Variants in FBXO31 observed in about 807,000 individuals in gnomAD.
FBXO31 encodes F-box only protein 31.
Under a neutral mutation model 54.4 loss-of-function variants are expected in FBXO31, and 24 were observed. That is an observed-to-expected ratio of 0.44 (90% CI 0.32 to 0.62). The LOEUF (loss-of-function observed/expected upper bound fraction) is 0.62, where lower values mean the gene tolerates loss of function less well. FBXO31 is among the 20% of genes least tolerant of loss of function. The pLI, the probability that FBXO31 is intolerant of heterozygous loss-of-function variation, is 0.05. For missense variants in FBXO31, 665 were observed against 787.1 expected (o/e 0.84, Z 1.86); for synonymous variants, 388 against 335.6 (o/e 1.16, Z -1.71).
intron 2 of FBXO31, among the ~76,000 whole-genome samples, chr16:87,350,245 C>T (rs1205714790): frequency 2.6e-5 from 4 of 152,084 alleles, no homozygotes; most frequent in South Asian, 2.1e-4. Flanking sequence ...GCAAGTAGGT[C>T]GCCACCTGGA....
In FBXO31 at chr16:87,343,748, G is replaced by A; in HGVS notation, c.507C>T (p.Ile169=). The change falls in exon 4 of 9, where the codon ATC becomes ATT. Residue 169 remains isoleucine (I), a synonymous_variant. Transcript: ENST00000311635. The part of the protein sequence containing the change: ...LLNVVVDGLF[I]IGWMYLPPHD... ...GGGGAGGCAGGTACATCCACCCGAT[G>A]ATGAACAGGCCGTCCACCTACAGGA... is the stretch of plus-strand genomic sequence containing the variant. 2 of 1,614,240 alleles carry A rather than the reference G, an allele frequency of 1.2e-6. No homozygotes were observed. Among genetic ancestry groups the A allele is most frequent in the Non-Finnish European group, 1.7e-6 (2 of 1,180,038 alleles).
chr16:87,336,324 G>C lies in FBXO31; in HGVS notation c.733-60C>G. Reference sequence around the variant, plus strand: ...GACAGGAGGCTGTGAAGAGGCTGCCGGCTGTGCCGCTGAGAGGACACAGTG... The same window carrying C: ...GACAGGAGGCTGTGAAGAGGCTGCCCGCTGTGCCGCTGAGAGGACACAGTG... On this transcript the variant is annotated intron_variant, in intron 5 of 8. Coordinates refer to ENST00000311635, the MANE Select transcript of FBXO31 (RefSeq NM_024735.5). The surrounding 1 kb of genome is among the most constrained non-coding windows in gnomAD (Gnocchi z 6.5). 6.7e-7 allele frequency: 1 copy of C among 1,490,654 alleles called. No homozygotes were observed. Among genetic ancestry groups the C allele is most frequent in the South Asian group, 1.1e-5 (1 of 88,678 alleles). 92.3% of individuals were successfully genotyped at this position (1,490,654 alleles called of 1,614,324 possible).
chr16:87,374,729 G>A (rs912949646), intron 1 of FBXO31, among the ~76,000 whole-genome samples: 2 of 152,226 alleles, frequency 1.3e-5, no homozygotes, highest in African/African-American at 4.8e-5. Context: ...ATGCTGGCTA[G>A]TGTGCCTCAC....
At chr16:87,337,696 G>A (rs1177548245) in intron 5 of FBXO31, among the ~76,000 whole-genome samples, 1 of 137,304 alleles carries the variant, frequency 7.3e-6, no homozygotes, top group Non-Finnish European at 1.7e-5. Flanking sequence ...AAGGTGCTCC[G>A]TCAGTTGGGT....
chr16:87,331,291 G>C lies in FBXO31; in HGVS notation c.1617C>G (p.Ser539=). 1 of 1,613,498 alleles carries C rather than the reference G, an allele frequency of 6.2e-7. No homozygotes were observed. The highest frequency in any genetic ancestry group is 8.5e-7 in the Non-Finnish European group (1 of 1,179,622). ...EMLKNIQSLT[S] is the part of the protein sequence containing the mutation. ...GTGGCGGCAAGGATGTGGCCGGTCA[G>C]GAGGTGAGGGACTGAATGTTCTTGA... is the stretch of plus-strand genomic sequence containing the variant. The change falls in exon 9 of 9, where the codon TCC becomes TCG. Residue 539 remains serine, a synonymous_variant. Coordinates refer to ENST00000311635, the MANE Select transcript of FBXO31 (RefSeq NM_024735.5).
chr16:87,361,990 G>C (rs1567481078), intron 1 of FBXO31, among the ~76,000 whole-genome samples: 1 of 152,224 alleles, frequency 6.6e-6, no homozygotes, highest in Non-Finnish European at 1.5e-5. Flanking sequence ...GTAGGCTCCA[G>C]TGAGGAGTGC....
chr16:87,354,392 C>T (rs1234557726), intron 2 of FBXO31, among the ~76,000 whole-genome samples: 3 of 152,082 alleles, frequency 2.0e-5, no homozygotes, highest in African/African-American at 7.2e-5. Flanking sequence ...GTCATCTGAG[C>T]CCGGGGAGAT....
chr16:87,350,203 G>A (rs1905590681), intron 2 of FBXO31, among the ~76,000 whole-genome samples: 1 of 152,102 alleles, frequency 6.6e-6, no homozygotes, highest in South Asian at 2.1e-4. Context: ...GAAGGAAGAT[G>A]GAGCAGGGAG....
Position 87,335,467 on chromosome 16 carries a change from G to A in FBXO31, c.843-10C>T, listed in dbSNP as rs1905019054. On this transcript the variant is annotated splice_polypyrimidine_tract_variant and intron_variant, in intron 6 of 8. Transcript: ENST00000311635. This position sits in a 1 kb window ranked among gnomAD's most constrained non-coding sequence, Gnocchi z 5.7. ...GTAGGTCAGGCAGTTGCTGTGGGGAGCGGACGGGTCAGTACAGGAGACCTC... is the reference window on the plus strand; with the variant it reads ...GTAGGTCAGGCAGTTGCTGTGGGGAACGGACGGGTCAGTACAGGAGACCTC... 1.2e-6 allele frequency: 2 copies of A among 1,610,678 alleles called. No individual in the cohort carries two copies. Among genetic ancestry groups the A allele is most frequent in the Non-Finnish European group, 1.7e-6 (2 of 1,179,442 alleles).
upstream of FBXO31, among the ~76,000 whole-genome samples, chr16:87,388,422 A>G (rs1907400362): frequency 6.6e-6 from 1 of 152,212 alleles, no homozygotes; most frequent in Non-Finnish European, 1.5e-5. Context: ...CTCAAGAGCA[A>G]AGCGATGACA....
intron 2 of FBXO31, among the ~76,000 whole-genome samples, chr16:87,352,453 C>CA (rs111624539): frequency 0.032 from 4,713 of 148,862 alleles, 119 homozygotes; most frequent in Non-Finnish European, 0.046. Context: ...ATAACATAAC[C>CA]AAAAAAAAAA....
At chr16:87,385,385 G>A (rs1292567000), upstream of FBXO31, among the ~76,000 whole-genome samples, 5 of 151,664 alleles carry the variant, frequency 3.3e-5, no homozygotes, top group Non-Finnish European at 7.4e-5. Flanking sequence ...GTGAACCCGG[G>A]AGGCAGAGCT....
chr16:87,370,769 T>A (rs6540041), intron 1 of FBXO31, among the ~76,000 whole-genome samples: 83,680 of 152,072 alleles, frequency 0.55, 25,235 homozygotes, highest in African/African-American at 0.72. Flanking sequence ...CTGGCTGGTG[T>A]CCTACCCGCT....
At chr16:87,369,092 A>AT (rs1283893718) in intron 1 of FBXO31, among the ~76,000 whole-genome samples, 2 of 151,674 alleles carry the variant, frequency 1.3e-5, no homozygotes, top group African/African-American at 4.8e-5. Flanking sequence ...CCCGGCCTTT[A>AT]TTTTTTTTAT....
chr16:87,384,130 A>G, upstream of FBXO31: 1 of 155,036 alleles, frequency 6.5e-6, no homozygotes, highest in Middle Eastern at 3.3e-3. Flanking sequence ...GCTTTTGTGG[A>G]GATAGGGGTC....
At chr16:87,368,666 G>C (rs1282003605) in intron 1 of FBXO31, among the ~76,000 whole-genome samples, 5 of 151,324 alleles carry the variant, frequency 3.3e-5, no homozygotes, top group Non-Finnish European at 7.4e-5. Context: ...AAGTGTGCTG[G>C]GTAATTATCC....
chr16:87,390,246 A>T (rs553697201), upstream of FBXO31, among the ~76,000 whole-genome samples: 3 of 152,078 alleles, frequency 2.0e-5, no homozygotes, highest in African/African-American at 7.2e-5. Context: ...ACGCCACTGC[A>T]CTCCAGCCTG....
intron 2 of FBXO31, among the ~76,000 whole-genome samples, chr16:87,354,069 T>C (rs760670299): frequency 2.6e-5 from 4 of 152,262 alleles, no homozygotes; most frequent in South Asian, 2.1e-4. Flanking sequence ...TGGACATTTG[T>C]AAGGAATTCT....
rs34583829 is a variant in FBXO31, at chr16:87,338,236, GA to G, written c.733-1973del. 5.2e-4 allele frequency among the ~76,000 whole-genome samples: 71 copies of G among 137,398 alleles called. No individual in the cohort carries two copies. The highest frequency in any genetic ancestry group is 1.0e-3 in the Admixed American group (14 of 13,732). The allele number at this position is 137,398 out of a possible 152,430, so 90.1% of individuals were successfully genotyped here. A position where few individuals can be genotyped will look rare whatever the true frequency, so the allele number is the denominator to read the frequency against. On this transcript the variant is annotated intron_variant, in intron 5 of 8. Coordinates refer to ENST00000311635, the MANE Select transcript of FBXO31 (RefSeq NM_024735.5). The surrounding 1 kb of genome is among the most constrained non-coding windows in gnomAD (Gnocchi z 4.3). ...TCAGAGCAACACATACAAGCCACAA[GA>G]AAAAAAAAAAAACAGGGAGCCCAGG... is the stretch of plus-strand genomic sequence containing the variant.
Sources: allele counts gnomAD v4.1 joint callset (sites outside exome capture counted in the v4.1 genomes callset), GRCh38; gene constraint gnomAD v4.1.1; non-coding constraint Gnocchi (gnomAD v3.1); transcripts MANE v1.5; gene names NCBI Gene and HGNC (gene_info 2026-07-23, HGNC 2026-07-21).